RIMS2: variants seen among roughly 807,000 people sequenced by gnomAD.
The protein encoded by RIMS2 is regulating synaptic membrane exocytosis protein 2.
Under a neutral mutation model 174.4 loss-of-function variants are expected in RIMS2, and 59 were observed. The ratio of observed to expected loss-of-function variants is 0.34; its 90% CI spans 0.27 to 0.42. RIMS2 has a LOEUF of 0.42. RIMS2 is among the 10% of genes least tolerant of loss of function. The pLI, the probability that RIMS2 is intolerant of heterozygous loss-of-function variation, is 1.00. For missense variants in RIMS2, 1,620 were observed against 1,666.3 expected (o/e 0.97, Z 0.48); for synonymous variants, 606 against 572.5 (o/e 1.06, Z -0.84).
At chr8:103,754,017 T>C (rs2097936975) in intron 2 of RIMS2, among the ~76,000 whole-genome samples, 1 of 152,222 alleles carries the variant, frequency 6.6e-6, no homozygotes, top group African/African-American at 2.4e-5. Flanking sequence ...TTAATTGTGA[T>C]GTTAGGGTGT....
At chr8:104,249,664 A>G in intron 22 of RIMS2, 76 bp downstream of exon 28, 1 of 825,916 alleles carries the variant, frequency 1.2e-6, no homozygotes, top group Non-Finnish European at 2.0e-6. Flanking sequence ...TGATTGGTTT[A>G]GACCTTTGAT....
intron 19 of RIMS2, among the ~76,000 whole-genome samples, chr8:104,077,063 G>A (rs1210830599): frequency 2.0e-5 from 3 of 151,570 alleles, no homozygotes; most frequent in Admixed American, 6.6e-5. Context: ...CAAGTGATCC[G>A]CCCACCTTGG....
chr8:103,862,231 G>T (rs952829974), intron 3 of RIMS2, among the ~76,000 whole-genome samples: 1 of 151,978 alleles, frequency 6.6e-6, no homozygotes, highest in Non-Finnish European at 1.5e-5. Context: ...ATTTAATATA[G>T]TGTCCTTTAC....
At chr8:103,625,182 CTTT>C (rs34818635) in intron 1 of RIMS2, among the ~76,000 whole-genome samples, 1,778 of 148,154 alleles carry the variant, frequency 0.012, 50 homozygotes, top group African/African-American at 0.042. Flanking sequence ...ATAATGCAAC[CTTT>C]TTTTTTTTAT....
chr8:104,255,643 G>C (rs2099366623), downstream of RIMS2: 1 of 152,196 alleles, frequency 6.6e-6, no homozygotes, highest in African/African-American at 2.4e-5. Flanking sequence ...AATTAGGCAA[G>C]AGATCACCAA....
At chr8:104,157,176 A>G (rs1445714606) in intron 19 of RIMS2, among the ~76,000 whole-genome samples, 1 of 152,222 alleles carries the variant, frequency 6.6e-6, no homozygotes. Flanking sequence ...CAAGTATTGT[A>G]GATGAGGTAA....
At chr8:103,646,489 C>T (rs978701935) in intron 1 of RIMS2, among the ~76,000 whole-genome samples, 1 of 152,160 alleles carries the variant, frequency 6.6e-6, no homozygotes, top group East Asian at 1.9e-4. Context: ...ATCCCACAAC[C>T]TATGTATTAA....
intron 1 of RIMS2, among the ~76,000 whole-genome samples, chr8:103,615,232 C>T (rs753713524): frequency 7.2e-5 from 11 of 152,076 alleles, no homozygotes; most frequent in Non-Finnish European, 1.3e-4. Flanking sequence ...CTATGAAAAT[C>T]GCTCAAAACC....
chr8:104,130,634 A>G (rs1485791882), intron 19 of RIMS2, among the ~76,000 whole-genome samples: 1 of 152,170 alleles, frequency 6.6e-6, no homozygotes, highest in Non-Finnish European at 1.5e-5. Context: ...TAGGCGGAAG[A>G]TAAGAGCAAA....
chr8:104,040,981 T>G (rs1406364971), intron 19 of RIMS2, among the ~76,000 whole-genome samples: 1 of 151,710 alleles, frequency 6.6e-6, no homozygotes, highest in African/African-American at 2.4e-5. Context: ...TTGAACAATG[T>G]GGTCATGCAA....
chr8:103,869,812 G>A (rs567711113), intron 3 of RIMS2, among the ~76,000 whole-genome samples: 2 of 152,242 alleles, frequency 1.3e-5, no homozygotes, highest in Admixed American at 6.5e-5. Context: ...GAAAGTGGGG[G>A]CAGTTTGAGG....
chr8:103,632,361 C>T (rs1323705001), intron 1 of RIMS2, among the ~76,000 whole-genome samples: 1 of 152,184 alleles, frequency 6.6e-6, no homozygotes, highest in Non-Finnish European at 1.5e-5. Context: ...GCCTTTTCTA[C>T]CTCTATTGAG....
At chr8:103,531,811 G>A (rs1671098559) in intron 1 of RIMS2, among the ~76,000 whole-genome samples, 1 of 152,068 alleles carries the variant, frequency 6.6e-6, no homozygotes, top group South Asian at 2.1e-4. Context: ...AACCAATGAA[G>A]TTTGTAATAC....
intron 3 of RIMS2, among the ~76,000 whole-genome samples, chr8:103,807,988 T>G (rs1039852340): frequency 6.6e-6 from 1 of 152,022 alleles, no homozygotes; most frequent in Admixed American, 6.6e-5. Context: ...GACTAAAAAT[T>G]TTATTTGCTT....
chr8:104,192,164 C>T (rs1212228009), intron 19 of RIMS2, among the ~76,000 whole-genome samples: 2 of 152,092 alleles, frequency 1.3e-5, no homozygotes, highest in African/African-American at 4.8e-5. Context: ...GTAGGAAAAA[C>T]ATATGAAATG....
intron 3 of RIMS2, among the ~76,000 whole-genome samples, chr8:103,884,665 T>G (rs2099189230): frequency 6.6e-6 from 1 of 151,882 alleles, no homozygotes; most frequent in South Asian, 2.1e-4. Flanking sequence ...ATTTCTAGGA[T>G]TTTTGTAATG....
At chr8:103,547,397 C>G (rs1178301993) in intron 1 of RIMS2, among the ~76,000 whole-genome samples, 2 of 152,130 alleles carry the variant, frequency 1.3e-5, no homozygotes, top group Non-Finnish European at 2.9e-5. Flanking sequence ...AAACAATCTT[C>G]TCCTGAATGA....
rs546830355 is a variant in RIMS2 at position 103,821,273 on chromosome 8, A to C, written c.698+54736A>C. ...TTCAGTAAGAGCCTTTAAAGCTCTC[A>C]TTAAAATCTGGACTTTTATGCTGCT... On this transcript the variant is annotated intron_variant, in intron 3 of 23. Coordinates refer to ENST00000504942, the Ensembl canonical transcript of RIMS2. Among the ~76,000 whole-genome samples, 3 of 151,828 alleles carry C rather than the reference A, an allele frequency of 2.0e-5. No homozygotes were observed. The East Asian group carries it at 5.8e-4, about 29-fold the overall frequency.
chr8:104,045,036 C>G (rs908060511), intron 19 of RIMS2, among the ~76,000 whole-genome samples: 8 of 151,900 alleles, frequency 5.3e-5, no homozygotes, highest in Admixed American at 5.3e-4. Context: ...CAAAAACTGA[C>G]TGTAGTATGT....
Sources: gnomAD v4.1 joint callset for allele counts (sites outside exome capture counted in the v4.1 genomes callset) on GRCh38, gnomAD v4.1.1 for gene constraint, MANE v1.5 for transcripts, NCBI Gene and HGNC (gene_info 2026-07-23, HGNC 2026-07-21) for gene names.